Variants in CTNNA3 observed in about 807,000 individuals in gnomAD.
CTNNA3 encodes catenin alpha 3.
In CTNNA3, 76 loss-of-function variants were observed where a neutral mutation model predicts 95.7. The ratio of observed to expected loss-of-function variants is 0.79; its 90% CI spans 0.66 to 0.96. The LOEUF is 0.96. CTNNA3 is among the 40% of genes least tolerant of loss of function. The probability of loss-of-function intolerance (pLI) is 0.00; values close to 1 mark genes in which losing one functional copy is unlikely to be tolerated. For synonymous variants in CTNNA3, 431 were observed against 374.4 expected (o/e 1.15, Z -1.74); for missense variants, 1,191 against 1,089.8 (o/e 1.09, Z -1.31).
chr10:67,691,102 C>T lies in CTNNA3; in HGVS notation c.-6+4898G>A, dbSNP rs542227132. On this transcript the variant is annotated intron_variant, in intron 1 of 17. Transcript: ENST00000433211. ...GGAGACGGGGTTTCACTGTGTCGGC[C>T]GGGCTGGTCTCCAGCTCCCAACCAC... is the stretch of plus-strand genomic sequence containing the variant. 1.2e-3 allele frequency among the ~76,000 whole-genome samples: 185 copies of T among 152,324 alleles called. 1 individual carries two copies. The highest frequency in any genetic ancestry group is 8.9e-3 in the South Asian group (43 of 4,832).
chr10:66,337,606 C>CA (rs904139917), intron 12 of CTNNA3, among the ~76,000 whole-genome samples: 6 of 151,774 alleles, frequency 4.0e-5, no homozygotes, highest in African/African-American at 1.5e-4. Context: ...GGCTCAGTCT[C>CA]AAAAAAGATT....
chr10:66,111,226 C>T (rs964086674), intron 13 of CTNNA3, among the ~76,000 whole-genome samples: 12 of 152,104 alleles, frequency 7.9e-5, no homozygotes, highest in African/African-American at 2.9e-4. Flanking sequence ...TCCTCCTTGG[C>T]TCTTTTCTTC....
At chr10:67,149,989 G>A (rs1469879874) in intron 7 of CTNNA3, among the ~76,000 whole-genome samples, 6 of 152,074 alleles carry the variant, frequency 3.9e-5, no homozygotes, top group Non-Finnish European at 8.8e-5. Flanking sequence ...AGATTTCAAT[G>A]CACATTTATT....
intron 15 of CTNNA3, among the ~76,000 whole-genome samples, chr10:66,035,234 T>C (rs2079536096): frequency 6.6e-6 from 1 of 151,726 alleles, no homozygotes; most frequent in Admixed American, 6.6e-5. Context: ...TTCTGAGGAG[T>C]TTGTGAAGCC....
At chr10:67,196,979 T>C (rs576649051) in intron 6 of CTNNA3, among the ~76,000 whole-genome samples, 1 of 152,254 alleles carries the variant, frequency 6.6e-6, no homozygotes, top group South Asian at 2.1e-4. Flanking sequence ...ATAGACGCAA[T>C]GGTGATTAAC....
chr10:65,966,988 G>A (rs899191409), intron 16 of CTNNA3, among the ~76,000 whole-genome samples: 12 of 152,096 alleles, frequency 7.9e-5, no homozygotes, highest in South Asian at 2.1e-4. Context: ...ATGGAGTCTC[G>A]CTCTGTTGCC....
chr10:67,592,457 G>A (rs571783058), intron 3 of CTNNA3, among the ~76,000 whole-genome samples: 11 of 152,074 alleles, frequency 7.2e-5, no homozygotes, highest in Admixed American at 1.3e-4. Context: ...TCTTCCACTC[G>A]CCGAACTATG....
At chr10:66,215,934 G>T (rs1204564418) in intron 13 of CTNNA3, among the ~76,000 whole-genome samples, 1 of 152,160 alleles carries the variant, frequency 6.6e-6, no homozygotes, top group African/African-American at 2.4e-5. Context: ...TTTTTGTACA[G>T]ATTTCAGAAG....
intron 11 of CTNNA3, among the ~76,000 whole-genome samples, chr10:66,454,094 T>C (rs1380152462): frequency 6.6e-6 from 1 of 152,014 alleles, no homozygotes; most frequent in Non-Finnish European, 1.5e-5. Flanking sequence ...GTTTGGATGA[T>C]GGAGGAAAGA....
chr10:67,613,709 A>AT (rs1325284578), intron 2 of CTNNA3, among the ~76,000 whole-genome samples: 3 of 152,032 alleles, frequency 2.0e-5, no homozygotes, highest in African/African-American at 2.4e-5. Flanking sequence ...TTTATTACTG[A>AT]TTTTTTCATT....
chr10:65,947,658 CT>C (rs2077539106), intron 17 of CTNNA3, among the ~76,000 whole-genome samples: 1 of 152,184 alleles, frequency 6.6e-6, no homozygotes, highest in Admixed American at 6.5e-5. Flanking sequence ...GAAAAGCTCC[CT>C]ACCAACCTGT....
At chr10:66,718,835 T>C (rs528998817) in intron 9 of CTNNA3, among the ~76,000 whole-genome samples, 56 of 152,268 alleles carry the variant, frequency 3.7e-4, no homozygotes, top group South Asian at 2.3e-3. Flanking sequence ...ATTTTAACAA[T>C]TGATTTGACA....
chr10:67,003,904 G>T (rs1481763756), intron 7 of CTNNA3, among the ~76,000 whole-genome samples: 1 of 152,266 alleles, frequency 6.6e-6, no homozygotes, highest in East Asian at 1.9e-4. Flanking sequence ...AATAAACTGT[G>T]AGACTATACC....
chr10:66,211,220 A>C (rs897269972), intron 13 of CTNNA3, among the ~76,000 whole-genome samples: 6 of 152,192 alleles, frequency 3.9e-5, no homozygotes, highest in African/African-American at 1.4e-4. Flanking sequence ...AGGCGTGAAC[A>C]TATAATGGAT....
Position 66,775,437 on chromosome 10 carries a change from C to T in CTNNA3, c.1128+7G>A. Reference sequence around the variant, plus strand: ...GTTTCTGACTCCATATCTCTCTCTTCCCTCACCTGTCTGCGAAGGTCTCTT... The same window carrying T: ...GTTTCTGACTCCATATCTCTCTCTTTCCTCACCTGTCTGCGAAGGTCTCTT... On this transcript the variant is annotated splice_region_variant and intron_variant, in intron 8 of 17. Coordinates refer to ENST00000433211, the MANE Select transcript of CTNNA3 (RefSeq NM_013266.4). 1 of 1,596,226 alleles carries T rather than the reference C, an allele frequency of 6.3e-7. No individual in the cohort carries two copies. Among genetic ancestry groups the T allele is most frequent in the Non-Finnish European group, 8.6e-7 (1 of 1,166,020 alleles).
intron 7 of CTNNA3, among the ~76,000 whole-genome samples, chr10:67,105,260 G>GATAGATAT (rs924409565): frequency 2.6e-5 from 4 of 151,974 alleles, no homozygotes; most frequent in African/African-American, 9.7e-5. Context: ...TAGATAGATA[G>GATAGATAT]AATTAATTCT....
chr10:66,946,003 T>C (rs1001894706), intron 7 of CTNNA3, among the ~76,000 whole-genome samples: 1 of 152,082 alleles, frequency 6.6e-6, no homozygotes, highest in Non-Finnish European at 1.5e-5. Flanking sequence ...GATATAATAA[T>C]CATGAAAATG....
chr10:67,207,682 G>C (rs1302614790), intron 6 of CTNNA3, among the ~76,000 whole-genome samples: 1 of 152,096 alleles, frequency 6.6e-6, no homozygotes, highest in Non-Finnish European at 1.5e-5. Flanking sequence ...CCAGTATAGC[G>C]ACTTGACCTA....
chr10:66,918,121 T>C (rs981902566), intron 7 of CTNNA3, among the ~76,000 whole-genome samples: 1 of 152,236 alleles, frequency 6.6e-6, no homozygotes, highest in African/African-American at 2.4e-5. Context: ...TTTTGATTGC[T>C]ATCCTATTAA....
Sources: allele counts gnomAD v4.1 joint callset (sites outside exome capture counted in the v4.1 genomes callset), GRCh38; gene constraint gnomAD v4.1.1; transcripts MANE v1.5; gene names NCBI Gene and HGNC (gene_info 2026-07-23, HGNC 2026-07-21).